TDRD1: variants seen among roughly 807,000 people sequenced by gnomAD.
The protein encoded by TDRD1 is tudor domain-containing protein 1.
In TDRD1, 37 loss-of-function variants were observed where a neutral mutation model predicts 140.6. The observed-to-expected ratio is 0.26, with a 90% confidence interval of 0.20 to 0.35. The LOEUF is 0.35. TDRD1 is among the 10% of genes least tolerant of loss of function. TDRD1 has a pLI of 1.00. For synonymous variants in TDRD1, 506 were observed against 475.7 expected (o/e 1.06, Z -0.83); for missense variants, 1,243 against 1,393.0 (o/e 0.89, Z 1.71).
chr10:114,229,711 G>C (rs2036644696), intron 25 of TDRD1, among the ~76,000 whole-genome samples: 1 of 150,846 alleles, frequency 6.6e-6, no homozygotes, highest in Non-Finnish European at 1.5e-5. Flanking sequence ...GCCACACCCG[G>C]CTAATCTTAA....
In TDRD1 at chr10:114,230,931, G is replaced by A. The variant is rs537811920; in HGVS notation, c.3539-555G>A. On this transcript the variant is annotated intron_variant, in intron 25 of 25. Coordinates refer to ENST00000251864, the Ensembl canonical transcript of TDRD1. The stretch of plus-strand genomic sequence containing the variant: ...AAAAATATAGAATTAGCCAGGTGAG[G>A]TGGCGTGCACCTGTAGTCCCAGCTA... 7.9e-5 allele frequency among the ~76,000 whole-genome samples: 12 copies of A among 152,218 alleles called. No individual in the cohort carries two copies. In the South Asian group the frequency reaches 1.2e-3, roughly 16 times the overall value.
At chr10:114,196,178 G>T (rs973126673) in intron 3 of TDRD1, among the ~76,000 whole-genome samples, 5 of 152,308 alleles carry the variant, frequency 3.3e-5, no homozygotes, top group African/African-American at 1.2e-4. Flanking sequence ...GAACTCCTGA[G>T]CTCAGTCCTC....
intron 1 of TDRD1, among the ~76,000 whole-genome samples, chr10:114,181,748 G>A (rs1277863043): frequency 1.3e-5 from 2 of 151,924 alleles, no homozygotes; most frequent in African/African-American, 4.8e-5. Flanking sequence ...GGGAGGCTGG[G>A]GCAGGAGAAT....
At chr10:114,217,240 TGGG>T (rs2035868142) in intron 16 of TDRD1, among the ~76,000 whole-genome samples, 1 of 152,204 alleles carries the variant, frequency 6.6e-6, no homozygotes, top group Non-Finnish European at 1.5e-5. Context: ...AGCTTCTGTA[TGGG>T]CTTGTATGCT....
chr10:114,220,617 C>G, exon 19 of TDRD1: 1 of 1,613,188 alleles, frequency 6.2e-7, no homozygotes, highest in Non-Finnish European at 8.5e-7. Flanking sequence ...TAACAAGATT[C>G]CAGATGTGTG....
At chr10:114,214,383 C>T (rs1283948342) in intron 16 of TDRD1, among the ~76,000 whole-genome samples, 2 of 152,022 alleles carry the variant, frequency 1.3e-5, no homozygotes, top group Admixed American at 6.6e-5. Context: ...TTAATTCGGC[C>T]TGGTATAGTG....
At chr10:114,185,390 A>G (rs1178607766) in intron 1 of TDRD1, among the ~76,000 whole-genome samples, 4 of 151,946 alleles carry the variant, frequency 2.6e-5, no homozygotes, top group Non-Finnish European at 5.9e-5. Flanking sequence ...GGGTTTCACC[A>G]TGTTGGTCAG....
chr10:114,178,914 C>T (rs2032797000), upstream of TDRD1, among the ~76,000 whole-genome samples: 3 of 150,308 alleles, frequency 2.0e-5, no homozygotes, highest in South Asian at 6.3e-4. Flanking sequence ...TTAAGTAACA[C>T]CAACAGGTAT....
chr10:114,232,127 A>G (rs922173657), exon 26 of TDRD1: 1 of 150,624 alleles, frequency 6.6e-6, no homozygotes, highest in African/African-American at 2.5e-5. Flanking sequence ...TAATTGGATT[A>G]TTTTTCTTTT....
chr10:114,180,730 C>T (rs2032985557), intron 1 of TDRD1, among the ~76,000 whole-genome samples: 1 of 152,196 alleles, frequency 6.6e-6, no homozygotes, highest in Non-Finnish European at 1.5e-5. Context: ...CTCCAAAGTG[C>T]TGGGATTACA....
intron 11 of TDRD1, among the ~76,000 whole-genome samples, chr10:114,207,532 A>C (rs1176050821): frequency 6.6e-6 from 1 of 151,970 alleles, no homozygotes; most frequent in African/African-American, 2.4e-5. Context: ...AAGAACACAC[A>C]TCTTGGTGGG....
chr10:114,214,214 A>C (rs1433631503), intron 16 of TDRD1, 100 bp downstream of exon 16: 3 of 968,748 alleles, frequency 3.1e-6, no homozygotes, highest in Admixed American at 4.1e-5. Context: ...ACCTCTTTCC[A>C]AGAAGAGCCA....
intron 3 of TDRD1, among the ~76,000 whole-genome samples, chr10:114,191,615 A>G (rs542138299): frequency 2.6e-5 from 4 of 152,274 alleles, no homozygotes; most frequent in African/African-American, 9.6e-5. Context: ...TTGTTTAACC[A>G]TTTACCTATT....
At chr10:114,231,409 T>C in intron 25 of TDRD1, 3 of 1,206,596 alleles carry the variant, frequency 2.5e-6, no homozygotes, top group Non-Finnish European at 3.6e-6. Flanking sequence ...TTTGTTTGCT[T>C]GTATTTGAAA....
chr10:114,187,785 T>C, intron 1 of TDRD1, 41 bp from the exon 2 acceptor site: 1 of 1,488,768 alleles, frequency 6.7e-7, no homozygotes, highest in Non-Finnish European at 9.0e-7. Context: ...TCTGAAATTT[T>C]GAAATTAAAA....
chr10:114,222,203 T>C (rs1370994842), intron 20 of TDRD1, among the ~76,000 whole-genome samples: 1 of 152,174 alleles, frequency 6.6e-6, no homozygotes, highest in Non-Finnish European at 1.5e-5. Flanking sequence ...TGACAACATG[T>C]TGTATGATGA....
chr10:114,228,855 G>A (rs750955843), intron 25 of TDRD1: 124 of 874,866 alleles, frequency 1.4e-4, no homozygotes, highest in Non-Finnish European at 1.6e-4. Flanking sequence ...AGGCTGAGGC[G>A]GGCAGATCAC....
chr10:114,219,798 G>A (rs2036035563), intron 18 of TDRD1, among the ~76,000 whole-genome samples: 1 of 152,018 alleles, frequency 6.6e-6, no homozygotes, highest in Admixed American at 6.6e-5. Flanking sequence ...CTCCATGTTG[G>A]TCAGGCTGGT....
rs145075778 is a variant in TDRD1, at chr10:114,186,472, G to A, written c.-6-1354G>A. Among the ~76,000 whole-genome samples the A allele has an allele frequency of 2.2e-3, 326 of 151,312 alleles. 6 individuals are homozygous for A. Among genetic ancestry groups the A allele is most frequent in the African/African-American group, 7.5e-3 (307 of 40,964 alleles). On this transcript the variant is annotated intron_variant, in intron 1 of 25. Transcript: ENST00000251864. ...GTAGAGACGGGGTTTCACCGTGTTA[G>A]CCAAGATGATCTCGATCTCCTGACC...
Sources: allele counts gnomAD v4.1 joint callset (sites outside exome capture counted in the v4.1 genomes callset), GRCh38; gene constraint gnomAD v4.1.1; transcripts MANE v1.5; gene names NCBI Gene and HGNC (gene_info 2026-07-23, HGNC 2026-07-21).